Variants in NCAM2 observed in about 807,000 individuals in gnomAD.
NCAM2 encodes neural cell adhesion molecule 2.
NCAM2 carries 30 observed loss-of-function variants against 98.1 expected under a neutral mutation model. The ratio of observed to expected loss-of-function variants is 0.31; its 90% CI spans 0.23 to 0.41. The LOEUF (loss-of-function observed/expected upper bound fraction) is 0.41, where lower values mean the gene tolerates loss of function less well. Among genes scored for constraint, NCAM2 ranks in the 10% least tolerant of loss-of-function variants. The pLI is 1.00. For synonymous variants in NCAM2, 368 were observed against 342.4 expected, an observed-to-expected ratio of 1.07 and a Z score of -0.83; for missense variants, 867 against 1,005.8, an observed-to-expected ratio of 0.86 and a Z score of 1.87.
At chr21:21,212,798 A>G (rs1320316054) in intron 1 of NCAM2, among the ~76,000 whole-genome samples, 1 of 144,024 alleles carries the variant, frequency 6.9e-6, no homozygotes, top group Non-Finnish European at 1.5e-5. Context: ...GCTGGAGTGC[A>G]GTGGCATGAT....
intron 1 of NCAM2, among the ~76,000 whole-genome samples, chr21:21,204,166 A>G (rs996623121): frequency 1.3e-4 from 20 of 152,158 alleles, no homozygotes; most frequent in Non-Finnish European, 2.1e-4. Context: ...GAGCTCACAT[A>G]TAAGTGATTC....
intron 1 of NCAM2, among the ~76,000 whole-genome samples, chr21:21,071,670 G>A (rs929239018): frequency 5.9e-5 from 9 of 152,080 alleles, no homozygotes; most frequent in African/African-American, 2.2e-4. Flanking sequence ...TATTAACTTG[G>A]TTTTAATATT....
intron 7 of NCAM2, among the ~76,000 whole-genome samples, chr21:21,337,070 T>C (rs1021140132): frequency 6.6e-6 from 1 of 152,116 alleles, no homozygotes; most frequent in Non-Finnish European, 1.5e-5. Flanking sequence ...CTTGAAAATA[T>C]TTTTTCTATA....
At chr21:21,236,456 T>C (rs1178313245) in intron 1 of NCAM2, among the ~76,000 whole-genome samples, 2 of 152,150 alleles carry the variant, frequency 1.3e-5, no homozygotes, top group Non-Finnish European at 2.9e-5. Context: ...TAATTTTTTT[T>C]TGCAAATGTG....
At chr21:21,069,831 G>A (rs576098115) in intron 1 of NCAM2, among the ~76,000 whole-genome samples, 26 of 152,200 alleles carry the variant, frequency 1.7e-4, no homozygotes, top group Admixed American at 1.7e-3. Flanking sequence ...CAATCTTTAA[G>A]CATTCAACTG....
chr21:21,304,594 T>G (rs2073824622), intron 5 of NCAM2, among the ~76,000 whole-genome samples: 1 of 152,146 alleles, frequency 6.6e-6, no homozygotes, highest in Non-Finnish European at 1.5e-5. Context: ...TAGGTTCTGT[T>G]CATTTCCATA....
chr21:21,286,956 G>A (rs911951172), intron 4 of NCAM2, among the ~76,000 whole-genome samples: 1 of 151,734 alleles, frequency 6.6e-6, no homozygotes. Flanking sequence ...TTATTCTGGG[G>A]CAGTACGTTC....
At chr21:21,445,816 CTG>C (rs947160711) in intron 12 of NCAM2, among the ~76,000 whole-genome samples, 22 of 152,202 alleles carry the variant, frequency 1.4e-4, no homozygotes, top group African/African-American at 5.1e-4. Context: ...GGCATTTAGT[CTG>C]TTTACATTTA....
chr21:21,522,156 CTATA>C (rs917525720), intron 16 of NCAM2, among the ~76,000 whole-genome samples: 7 of 146,488 alleles, frequency 4.8e-5, no homozygotes, highest in East Asian at 2.0e-4. Flanking sequence ...TGAATGAATA[CTATA>C]TATATGAATA....
At position 21,055,430 on chromosome 21, in the gene NCAM2, T is replaced by C. The variant is rs189387520; in HGVS notation, c.55+56812T>C. Among the ~76,000 whole-genome samples the C allele has an allele frequency of 4.2e-4, 64 of 152,212 alleles. 1 individual carries two copies. The East Asian group carries it at 0.01, about 24-fold the overall frequency. ...ATAACAAACAGAAAACTACATTGAC[T>C]ATTCCTTTACTAAAATAATGACAGT... On this transcript the variant is annotated intron_variant, in intron 1 of 17. Transcript: ENST00000400546.
chr21:21,146,575 G>A (rs1268716953), intron 1 of NCAM2, among the ~76,000 whole-genome samples: 14 of 128,892 alleles, frequency 1.1e-4, no homozygotes, highest in African/African-American at 4.7e-4. Context: ...ATATATATAT[G>A]GATTATATAA....
At position 21,494,091 on chromosome 21, in the gene NCAM2, C is replaced by A. The variant is rs138588236; in HGVS notation, c.2078-14760C>A. 5.1e-4 allele frequency among the ~76,000 whole-genome samples: 77 copies of A among 151,812 alleles called. 1 individual carries two copies. The East Asian group carries it at 9.1e-3, about 18-fold the overall frequency. ...ACATCTTAATAAATTACCATAGATTCCAAGAAAAATAATAATACGTATCTT... is the reference window on the plus strand; with the variant it reads ...ACATCTTAATAAATTACCATAGATTACAAGAAAAATAATAATACGTATCTT... On this transcript the variant is annotated intron_variant, in intron 15 of 17. Transcript: ENST00000400546.
intron 1 of NCAM2, chr21:21,223,856 C>T (rs890752377): frequency 2.0e-5 from 3 of 152,060 alleles, no homozygotes; most frequent in Middle Eastern, 3.2e-3. Context: ...ATGCCTAAGA[C>T]GAATAAAACA....
At chr21:21,436,339 C>G (rs1336704084) in intron 12 of NCAM2, among the ~76,000 whole-genome samples, 2 of 152,140 alleles carry the variant, frequency 1.3e-5, no homozygotes, top group African/African-American at 4.8e-5. Flanking sequence ...TTTAATACTT[C>G]CCAGAATTAT....
At chr21:21,313,274 G>T (rs192796131) in intron 5 of NCAM2, among the ~76,000 whole-genome samples, 1 of 151,100 alleles carries the variant, frequency 6.6e-6, no homozygotes, top group African/African-American at 2.4e-5. Flanking sequence ...TGCTTATTTT[G>T]CTCTTGTTTA....
At chr21:21,162,605 T>A (rs1010879507) in intron 1 of NCAM2, among the ~76,000 whole-genome samples, 1 of 152,146 alleles carries the variant, frequency 6.6e-6, no homozygotes, top group Admixed American at 6.6e-5. Flanking sequence ...TCGTACAATT[T>A]GTCTCCACAC....
chr21:21,066,869 T>G (rs74621383), intron 1 of NCAM2, among the ~76,000 whole-genome samples: 1 of 152,040 alleles, frequency 6.6e-6, no homozygotes, highest in African/African-American at 2.4e-5. Context: ...TACTGTGTTA[T>G]TGATAGGAAG....
intron 5 of NCAM2, among the ~76,000 whole-genome samples, chr21:21,300,750 A>T (rs1326796320): frequency 7.2e-6 from 1 of 138,822 alleles, no homozygotes; most frequent in Admixed American, 7.7e-5. Context: ...TGATTATCTC[A>T]ATCACAAAGA....
At chr21:21,093,442 C>T (rs2066054973) in intron 1 of NCAM2, among the ~76,000 whole-genome samples, 1 of 152,014 alleles carries the variant, frequency 6.6e-6, no homozygotes, top group African/African-American at 2.4e-5. Flanking sequence ...ATCCGTTGTC[C>T]AAATTGACAT....
Sources: allele counts gnomAD v4.1 joint callset (sites outside exome capture counted in the v4.1 genomes callset), GRCh38; gene constraint gnomAD v4.1.1; transcripts MANE v1.5; gene names NCBI Gene and HGNC (gene_info 2026-07-23, HGNC 2026-07-21).